CNTN4: variants seen among roughly 807,000 people sequenced by gnomAD.
CNTN4 encodes contactin-4.
CNTN4 carries 77 observed loss-of-function variants against 122.5 expected under a neutral mutation model. The observed-to-expected ratio is 0.63, with a 90% CI of 0.52 to 0.76. CNTN4 has a LOEUF of 0.76. Among genes scored for constraint, CNTN4 ranks in the 30% least tolerant of loss-of-function variants. The probability of loss-of-function intolerance (pLI) is 0.00; values close to 1 mark genes in which losing one functional copy is unlikely to be tolerated. For synonymous variants in CNTN4, 512 were observed against 447.0 expected, an observed-to-expected ratio of 1.15 and a Z score of -1.83; for missense variants, 1,256 against 1,259.1, an observed-to-expected ratio of 1.00 and a Z score of 0.04.
At chr3:2,288,694 T>C (rs1465197844) in intron 2 of CNTN4, among the ~76,000 whole-genome samples, 1 of 152,112 alleles carries the variant, frequency 6.6e-6, no homozygotes, top group Non-Finnish European at 1.5e-5. Flanking sequence ...TAAAACAAAA[T>C]ATAATGAAAA....
Position 2,210,752 on chromosome 3 carries a change from T to A in CNTN4, c.-145+110113T>A, listed in dbSNP as rs148733020. On this transcript the variant is annotated intron_variant, in intron 2 of 24. Transcript: ENST00000418658. ...CTAGTTGCCCACTTTGTTTCACGGC[T>A]TTCTTGACATCTTTTGTCTTTTTGA... Among the ~76,000 whole-genome samples, 943 of 152,324 alleles carry A rather than the reference T, an allele frequency of 6.2e-3. 10 individuals carry two copies. The highest frequency in any genetic ancestry group is 0.021 in the African/African-American group (889 of 41,578).
intron 13 of CNTN4, among the ~76,000 whole-genome samples, chr3:2,982,333 T>C (rs1194653536): frequency 6.6e-6 from 1 of 152,192 alleles, no homozygotes; most frequent in African/African-American, 2.4e-5. Flanking sequence ...CAGCAATTTC[T>C]TGGAAAGATT....
chr3:2,864,738 C>A lies in CNTN4; in HGVS notation c.455-2014C>A, dbSNP rs1373908846. On this transcript the variant is annotated intron_variant, in intron 7 of 24. Coordinates refer to ENST00000418658, the MANE Select transcript of CNTN4 (RefSeq NM_175607.3). ...TGGGCAACAAAAAGCAAAACTCCAT[C>A]TCAAAAAAAAAAAAAAAGTTTCCGG... 4.0e-4 allele frequency among the ~76,000 whole-genome samples: 5 copies of A among 12,638 alleles called. No homozygotes were observed. In the South Asian group the frequency reaches 0.019, roughly 48 times the overall value. The allele number at this position is 12,638 out of a possible 152,430, so 8.3% of individuals were successfully genotyped here. A position where few individuals can be genotyped will look rare whatever the true frequency, so the allele number is the denominator to read the frequency against.
chr3:2,986,564 AG>A (rs1347351142), intron 13 of CNTN4, among the ~76,000 whole-genome samples: 2 of 152,214 alleles, frequency 1.3e-5, no homozygotes, highest in African/African-American at 4.8e-5. Context: ...CCTTCAAAAA[AG>A]TATATGCAGC....
chr3:2,588,534 T>C lies in CNTN4; in HGVS notation c.55+16976T>C, dbSNP rs2080313386. ...GCTCTCACCACCATGCCCAACTAAT[T>C]TTTTGTACTTTTAGTAGAGACGGGG... On this transcript the variant is annotated intron_variant, in intron 4 of 24. Transcript: ENST00000418658. 2.0e-5 allele frequency among the ~76,000 whole-genome samples: 3 copies of C among 152,042 alleles called. No individual in the cohort carries two copies. In the South Asian group the frequency reaches 6.2e-4, roughly 32 times the overall value.
intron 4 of CNTN4, among the ~76,000 whole-genome samples, chr3:2,613,105 A>T (rs1456046788): frequency 2.0e-5 from 3 of 152,264 alleles, no homozygotes; most frequent in Non-Finnish European, 4.4e-5. Context: ...TTTTCATTTT[A>T]TCATTAATTT....
intron 4 of CNTN4, among the ~76,000 whole-genome samples, chr3:2,719,468 A>C (rs1407746509): frequency 3.3e-5 from 5 of 152,084 alleles, no homozygotes; most frequent in Admixed American, 3.3e-4. Context: ...CTGATTTTTT[A>C]GCAGAGACAG....
At chr3:2,191,856 T>C (rs1372472464) in intron 2 of CNTN4, among the ~76,000 whole-genome samples, 5 of 152,194 alleles carry the variant, frequency 3.3e-5, no homozygotes, top group Non-Finnish European at 5.9e-5. Flanking sequence ...ATTAGGTATA[T>C]CTCCTAATGC....
intron 2 of CNTN4, among the ~76,000 whole-genome samples, chr3:2,293,695 TTAAAG>T (rs1249272109): frequency 2.0e-5 from 3 of 152,338 alleles, no homozygotes; most frequent in Admixed American, 6.5e-5. Context: ...GTATATCTCT[TTAAAG>T]TAGCAATTTA....
intron 4 of CNTN4, among the ~76,000 whole-genome samples, chr3:2,591,928 G>C (rs964346546): frequency 2.6e-5 from 4 of 151,988 alleles, no homozygotes; most frequent in Non-Finnish European, 5.9e-5. Context: ...GACCAGGCTG[G>C]AGTAAGTAGT....
intron 3 of CNTN4, among the ~76,000 whole-genome samples, chr3:2,541,738 TC>T (rs966702837): frequency 2.0e-5 from 3 of 152,146 alleles, no homozygotes; most frequent in Non-Finnish European, 2.9e-5. Flanking sequence ...GTCAGATTGT[TC>T]TCAGACCGCC....
intron 13 of CNTN4, among the ~76,000 whole-genome samples, chr3:2,943,304 T>C (rs1466216563): frequency 6.6e-6 from 1 of 152,102 alleles, no homozygotes; most frequent in Non-Finnish European, 1.5e-5. Context: ...TAAAACTGAA[T>C]AGCTAAATCG....
At chr3:2,671,208 C>T (rs1311232128) in intron 4 of CNTN4, among the ~76,000 whole-genome samples, 2 of 152,162 alleles carry the variant, frequency 1.3e-5, no homozygotes, top group East Asian at 3.9e-4. Context: ...TCCATTCTCC[C>T]CGTCACTTTC....
At chr3:2,328,360 G>C (rs77624354) in intron 2 of CNTN4, among the ~76,000 whole-genome samples, 50,469 of 146,502 alleles carry the variant, frequency 0.34, 9,878 homozygotes, top group East Asian at 0.78. Context: ...GAGCCAAGAT[G>C]GCGCCACCGC....
At chr3:2,589,091 C>T (rs2080339870) in intron 4 of CNTN4, among the ~76,000 whole-genome samples, 1 of 152,152 alleles carries the variant, frequency 6.6e-6, no homozygotes, top group African/African-American at 2.4e-5. Flanking sequence ...TCCATAATAG[C>T]ATGCAATGAG....
chr3:2,407,937 T>A (rs1041079749), intron 3 of CNTN4, among the ~76,000 whole-genome samples: 1 of 152,246 alleles, frequency 6.6e-6, no homozygotes, highest in African/African-American at 2.4e-5. Flanking sequence ...TCTGTGTGTG[T>A]CTATGCACAT....
chr3:2,104,501 C>T (rs557236907), intron 2 of CNTN4, among the ~76,000 whole-genome samples: 1 of 152,228 alleles, frequency 6.6e-6, no homozygotes, highest in Non-Finnish European at 1.5e-5. Context: ...AATCAGGTTC[C>T]TTAGAGTTTT....
intron 4 of CNTN4, among the ~76,000 whole-genome samples, chr3:2,662,519 T>C (rs959374059): frequency 6.6e-6 from 1 of 152,206 alleles, no homozygotes; most frequent in Non-Finnish European, 1.5e-5. Context: ...CTTTCACCTG[T>C]GGTCCAATGG....
chr3:2,688,065 AAAC>A lies in CNTN4; in HGVS notation c.56-48138_56-48136del, dbSNP rs200319562. The stretch of plus-strand genomic sequence containing the variant: ...AGTACTTGTATCTGGAAGGGAATCA[AAAC>A]AACAACAACAAAAGATAAAAAATAA... On this transcript the variant is annotated intron_variant, in intron 4 of 24. Transcript: ENST00000418658. Among the ~76,000 whole-genome samples the A allele has an allele frequency of 5.4e-3, 823 of 152,300 alleles. 5 individuals carry two copies. Among genetic ancestry groups the A allele is most frequent in the African/African-American group, 0.017 (691 of 41,566 alleles).
Sources: gnomAD v4.1 joint callset for allele counts (sites outside exome capture counted in the v4.1 genomes callset) on GRCh38, gnomAD v4.1.1 for gene constraint, MANE v1.5 for transcripts, NCBI Gene and HGNC (gene_info 2026-07-23, HGNC 2026-07-21) for gene names.